The following ULK4 variants were observed in gnomAD, a reference collection of about 807,000 sequenced individuals.
The protein encoded by ULK4 is inactive serine/threonine-protein kinase ULK4.
Under a neutral mutation model 160.6 loss-of-function variants are expected in ULK4, and 133 were observed. The ratio of observed to expected loss-of-function variants is 0.83; its 90% confidence interval spans 0.72 to 0.96. ULK4 has a LOEUF of 0.96. Ranked by LOEUF, ULK4 falls within the 40% of genes least tolerant of loss-of-function variation. ULK4 has a pLI of 0.00. For synonymous variants in ULK4, 534 were observed against 539.8 expected (o/e 0.99, Z 0.15); for missense variants, 1,580 against 1,499.5 (o/e 1.05, Z -0.89).
intron 17 of ULK4, among the ~76,000 whole-genome samples, chr3:41,851,062 C>G (rs1333921034): frequency 6.6e-6 from 1 of 152,150 alleles, no homozygotes; most frequent in African/African-American, 2.4e-5. Flanking sequence ...ATTGAATACC[C>G]TTTATTTCTT....
chr3:41,767,594 A>G (rs1222294832), intron 21 of ULK4, among the ~76,000 whole-genome samples: 1 of 152,148 alleles, frequency 6.6e-6, no homozygotes, highest in African/African-American at 2.4e-5. Context: ...TTCCATATGT[A>G]TGACTGTGCA....
At chr3:41,453,324 C>T (rs2125869100) in intron 34 of ULK4, among the ~76,000 whole-genome samples, 1 of 152,224 alleles carries the variant, frequency 6.6e-6, no homozygotes, top group Non-Finnish European at 1.5e-5. Flanking sequence ...TACAGGTGTG[C>T]ACCACCACAC....
Position 41,897,519 on chromosome 3 carries a change from A to C in ULK4, c.1349-516T>G, listed in dbSNP as rs1405494914. Reference sequence around the variant, plus strand: ...TCTAGGAAATGTGATACCCCCTAAAATTAACATATTTTTGGCTGATCTCTA... The same window carrying C: ...TCTAGGAAATGTGATACCCCCTAAACTTAACATATTTTTGGCTGATCTCTA... On this transcript the variant is annotated intron_variant, in intron 14 of 36. Transcript: ENST00000301831. 1.1e-3 allele frequency among the ~76,000 whole-genome samples: 170 copies of C among 152,196 alleles called. 3 individuals carry two copies. The highest frequency in any genetic ancestry group is 0.011 in the Admixed American group (168 of 15,276).
chr3:41,527,741 G>C (rs1217923601), intron 32 of ULK4, among the ~76,000 whole-genome samples: 1 of 152,104 alleles, frequency 6.6e-6, no homozygotes, highest in Non-Finnish European at 1.5e-5. Flanking sequence ...ATTTTCAAAA[G>C]CTGAATTTAT....
intron 32 of ULK4, among the ~76,000 whole-genome samples, chr3:41,556,845 G>A (rs561125211): frequency 7.0e-4 from 106 of 151,706 alleles, no homozygotes; most frequent in African/African-American, 2.3e-3. Flanking sequence ...AATACAGAAA[G>A]AGGAAAAAAA....
chr3:41,631,597 A>G (rs1301207368), intron 30 of ULK4, among the ~76,000 whole-genome samples: 1 of 152,204 alleles, frequency 6.6e-6, no homozygotes, highest in Non-Finnish European at 1.5e-5. Context: ...AAATGTAAAC[A>G]GAATAGTTTT....
At chr3:41,667,334 T>C (rs1307163215) in intron 29 of ULK4, among the ~76,000 whole-genome samples, 5 of 152,156 alleles carry the variant, frequency 3.3e-5, no homozygotes, top group Non-Finnish European at 7.4e-5. Flanking sequence ...TTTCCTCCTG[T>C]TGGAAAAAAT....
chr3:41,527,921 T>A (rs968491887), intron 32 of ULK4, among the ~76,000 whole-genome samples: 1 of 152,190 alleles, frequency 6.6e-6, no homozygotes, highest in African/African-American at 2.4e-5. Context: ...GATGAGAAGA[T>A]AAAATTTGAC....
intron 32 of ULK4, among the ~76,000 whole-genome samples, chr3:41,512,216 G>C (rs1285695825): frequency 6.6e-6 from 1 of 152,144 alleles, no homozygotes; most frequent in African/African-American, 2.4e-5. Flanking sequence ...CTGAGAACTG[G>C]AACAAGACAA....
intron 32 of ULK4, among the ~76,000 whole-genome samples, chr3:41,482,632 A>C (rs765613074): frequency 7.6e-4 from 115 of 152,174 alleles, no homozygotes; most frequent in Admixed American, 1.2e-3. Context: ...TGTTTTTTAA[A>C]TCTTTTAGAT....
At chr3:41,369,693 C>A (rs566516928) in intron 35 of ULK4, among the ~76,000 whole-genome samples, 1 of 151,106 alleles carries the variant, frequency 6.6e-6, no homozygotes, top group African/African-American at 2.4e-5. Context: ...ACTCAGGAGG[C>A]TGAGGAATGA....
At chr3:41,520,588 G>A (rs2085900144) in intron 32 of ULK4, among the ~76,000 whole-genome samples, 1 of 152,092 alleles carries the variant, frequency 6.6e-6, no homozygotes, top group Non-Finnish European at 1.5e-5. Context: ...TAAGAGAATT[G>A]CTCAATCATA....
intron 17 of ULK4, chr3:41,859,319 A>T: frequency 1.7e-6 from 1 of 590,312 alleles, no homozygotes; most frequent in South Asian, 1.4e-5. Context: ...GTGACCTCAA[A>T]GACTGAGCAC....
At chr3:41,300,482 A>T (rs777257708) in intron 35 of ULK4, among the ~76,000 whole-genome samples, 1 of 152,188 alleles carries the variant, frequency 6.6e-6, no homozygotes, top group Admixed American at 6.5e-5. Flanking sequence ...CTTGAAAGCA[A>T]ATAAACTCTA....
chr3:41,883,922 T>G lies in ULK4; in HGVS notation c.1608A>C (p.Leu536Phe). Residue 536 changes from leucine (L) to phenylalanine (F), a missense_variant, in exon 17 of 37, where the codon TTA becomes TTC. Leu to Phe is a conservative substitution (Grantham distance 22). Transcript: ENST00000301831. Reference protein sequence around the residue: ...IRAKVAHVIGLLASHTAELQE... With the variant: ...IRAKVAHVIGFLASHTAELQE... ...GGAGCTCAGCTGTGTGCGAAGCCAG[T>G]AAACCAATTACGTGAGCAACCTTGG... is the stretch of plus-strand genomic sequence containing the variant. The G allele has an allele frequency of 6.2e-7, 1 of 1,610,962 alleles. No individual in the cohort carries two copies. The highest frequency in any genetic ancestry group is 8.5e-7 in the Non-Finnish European group (1 of 1,177,040).
At chr3:41,715,794 T>A (rs995579444) in intron 23 of ULK4, among the ~76,000 whole-genome samples, 2 of 152,116 alleles carry the variant, frequency 1.3e-5, no homozygotes, top group African/African-American at 4.8e-5. Flanking sequence ...AACGTCTCAT[T>A]TGGAAATGAA....
rs1407129508 is a variant in ULK4 at position 41,246,616 on chromosome 3, GC to G, written c.*312del. 3.4e-6 allele frequency: 1 copy of G among 294,160 alleles called. No homozygotes were observed. The highest frequency in any genetic ancestry group is 1.0e-3 in the Middle Eastern group (1 of 972). The allele number at this position is 294,160 out of a possible 1,614,324, so 18.2% of individuals were successfully genotyped here. A position where few individuals can be genotyped will look rare whatever the true frequency, so the allele number is the denominator to read the frequency against. The stretch of plus-strand genomic sequence containing the variant: ...CTGAGGACTGTGCTTTGCATCCACT[GC>G]TTTATTACCACAGGCAGTGCTAACC... On this transcript the variant is annotated 3_prime_UTR_variant, in exon 37 of 37. Transcript: ENST00000301831.
intron 19 of ULK4, among the ~76,000 whole-genome samples, chr3:41,805,043 T>G (rs541502077): frequency 0.032 from 4,417 of 137,422 alleles, 64 homozygotes; most frequent in South Asian, 0.071. Flanking sequence ...GCTTGATGGG[T>G]ATGGCGTTGA....
At chr3:41,750,422 TC>T (rs1008116337) in intron 22 of ULK4, among the ~76,000 whole-genome samples, 1 of 152,172 alleles carries the variant, frequency 6.6e-6, no homozygotes, top group African/African-American at 2.4e-5. Context: ...TCTTTACTCC[TC>T]CTAATGTTCT....
Sources: allele counts gnomAD v4.1 joint callset (sites outside exome capture counted in the v4.1 genomes callset), GRCh38; gene constraint gnomAD v4.1.1; transcripts MANE v1.5; gene names NCBI Gene and HGNC (gene_info 2026-07-23, HGNC 2026-07-21).